The following LMX1A variants were observed in gnomAD, a reference collection of about 807,000 sequenced individuals.
The protein encoded by LMX1A is LIM homeobox transcription factor 1 alpha.
LMX1A carries 15 observed loss-of-function variants against 49.1 expected under a neutral mutation model. That is an observed-to-expected ratio of 0.31 (90% CI 0.20 to 0.47). The LOEUF is 0.47. Ranked by LOEUF, LMX1A falls within the 20% of genes least tolerant of loss-of-function variation. The pLI is 1.00. For missense variants in LMX1A, 372 were observed against 475.8 expected, an observed-to-expected ratio of 0.78 and a Z score of 2.03; for synonymous variants, 167 against 185.7, an observed-to-expected ratio of 0.90 and a Z score of 0.82.
intron 3 of LMX1A, among the ~76,000 whole-genome samples, chr1:165,283,908 T>C (rs1654227684): frequency 6.6e-6 from 1 of 152,214 alleles, no homozygotes; most frequent in Admixed American, 6.5e-5. Flanking sequence ...TTATCTCTAA[T>C]GCCCCTTTGT....
At position 165,232,058 on chromosome 1, in the gene LMX1A, G is replaced by T. The variant is rs186041905; in HGVS notation, c.496+17350C>A. On this transcript the variant is annotated intron_variant, in intron 4 of 8. Coordinates refer to ENST00000342310, the MANE Select transcript of LMX1A (RefSeq NM_177398.4). ...CCCACAAGGATGTGCCATGGTGCTT[G>T]GGTATACCCAAGGTCAAAAAAAGTG... Among the ~76,000 whole-genome samples, 4 of 152,314 alleles carry T rather than the reference G, an allele frequency of 2.6e-5. No individual in the cohort carries two copies. In the East Asian group the frequency reaches 7.7e-4, roughly 29 times the overall value.
intron 4 of LMX1A, among the ~76,000 whole-genome samples, chr1:165,223,037 G>GC (rs1651906227): frequency 1.3e-5 from 2 of 151,666 alleles, no homozygotes; most frequent in South Asian, 2.1e-4. Flanking sequence ...TGGGGTGGGG[G>GC]AGTGATAAAA....
rs187040424 is a variant in LMX1A at position 165,300,832 on chromosome 1, C to T, written c.264-51192G>A. Among the ~76,000 whole-genome samples the T allele has an allele frequency of 1.1e-4, 16 of 152,300 alleles. No homozygotes were observed. The East Asian group carries it at 2.9e-3, about 28-fold the overall frequency. ...CCCTTCCCCCTTCTCACCCTGCCTG[C>T]TTCTCCTCATTCATGATTCCCAGGA... On this transcript the variant is annotated intron_variant, in intron 3 of 8. Transcript: ENST00000342310.
intron 6 of LMX1A, among the ~76,000 whole-genome samples, chr1:165,210,305 C>T (rs566940185): frequency 1.3e-5 from 2 of 152,192 alleles, no homozygotes; most frequent in Non-Finnish European, 2.9e-5. Flanking sequence ...AGAAAAGGCA[C>T]TCATTCTACC....
At chr1:165,297,711 T>C (rs1383277154) in intron 3 of LMX1A, among the ~76,000 whole-genome samples, 1 of 152,122 alleles carries the variant, frequency 6.6e-6, no homozygotes, top group African/African-American at 2.4e-5. Flanking sequence ...CAAATGACCC[T>C]TTCTGAGACC....
intron 4 of LMX1A, among the ~76,000 whole-genome samples, chr1:165,244,282 G>A (rs182450760): frequency 2.0e-5 from 3 of 152,286 alleles, no homozygotes; most frequent in African/African-American, 4.8e-5. Flanking sequence ...TGGTAAATGA[G>A]TAAATGTAAG....
chr1:165,229,715 GT>G (rs1009289596), intron 4 of LMX1A, among the ~76,000 whole-genome samples: 4 of 137,368 alleles, frequency 2.9e-5, no homozygotes, highest in African/African-American at 1.1e-4. Flanking sequence ...AATCAGGAGG[GT>G]TTTTTTGTTT....
chr1:165,296,758 G>C (rs138970220), intron 3 of LMX1A, among the ~76,000 whole-genome samples: 1 of 152,344 alleles, frequency 6.6e-6, no homozygotes, highest in African/African-American at 2.4e-5. Flanking sequence ...GGTGAACAAG[G>C]CTTCCTGAAC....
chr1:165,204,411 A>G (rs1177282368), intron 8 of LMX1A, among the ~76,000 whole-genome samples: 1 of 152,230 alleles, frequency 6.6e-6, no homozygotes, highest in African/African-American at 2.4e-5. Context: ...ACAAAAAAAC[A>G]AAACAAAAAG....
intron 3 of LMX1A, among the ~76,000 whole-genome samples, chr1:165,277,315 C>G (rs773373633): frequency 6.6e-6 from 1 of 152,196 alleles, no homozygotes; most frequent in South Asian, 2.1e-4. Flanking sequence ...GTCTTGGCAT[C>G]GGCCCACCTC....
At position 165,249,654 on chromosome 1, in the gene LMX1A, G is replaced by A; in HGVS notation, c.264-14C>T. On this transcript the variant is annotated splice_polypyrimidine_tract_variant and intron_variant, in intron 3 of 8. Coordinates refer to ENST00000342310, the MANE Select transcript of LMX1A (RefSeq NM_177398.4). The stretch of plus-strand genomic sequence containing the variant: ...ACAGCAAACAGCCTGGCAGCAGGGA[G>A]AAAGGAAGTACATGCACCATGAGTA... The A allele has an allele frequency of 6.2e-7, 1 of 1,605,584 alleles. No individual in the cohort carries two copies.
At chr1:165,278,194 C>T (rs74364062) in intron 3 of LMX1A, among the ~76,000 whole-genome samples, 2 of 152,160 alleles carry the variant, frequency 1.3e-5, no homozygotes, top group African/African-American at 2.4e-5. Flanking sequence ...TGCTCATAAC[C>T]ACCTTGACGT....
intron 3 of LMX1A, among the ~76,000 whole-genome samples, chr1:165,325,190 C>T (rs1240623254): frequency 6.6e-6 from 1 of 152,170 alleles, no homozygotes; most frequent in African/African-American, 2.4e-5. Flanking sequence ...CTGCTCCTCA[C>T]CATAATTCTC....
chr1:165,237,842 A>T (rs893487845), intron 4 of LMX1A, among the ~76,000 whole-genome samples: 8 of 152,188 alleles, frequency 5.3e-5, no homozygotes, highest in Non-Finnish European at 1.0e-4. Context: ...GCATCTTCAG[A>T]TCCATCTTGA....
intron 3 of LMX1A, among the ~76,000 whole-genome samples, chr1:165,251,783 C>A (rs1248871391): frequency 6.6e-6 from 1 of 152,120 alleles, no homozygotes; most frequent in Non-Finnish European, 1.5e-5. Flanking sequence ...CTGCCCTGAT[C>A]TGTGCCCCCT....
chr1:165,337,970 G>A (rs1655954618), intron 3 of LMX1A, among the ~76,000 whole-genome samples: 1 of 151,192 alleles, frequency 6.6e-6, no homozygotes, highest in Non-Finnish European at 1.5e-5. Flanking sequence ...GCCAGCAGCT[G>A]TTGAGGATTG....
At chr1:165,348,853 C>A (rs1656330358) in intron 3 of LMX1A, among the ~76,000 whole-genome samples, 1 of 152,210 alleles carries the variant, frequency 6.6e-6, no homozygotes, top group African/African-American at 2.4e-5. Context: ...AAGAAAGATG[C>A]AGAGAAAGCT....
At chr1:165,212,629 A>G (rs1651457972) in intron 5 of LMX1A, among the ~76,000 whole-genome samples, 1 of 151,968 alleles carries the variant, frequency 6.6e-6, no homozygotes, top group Non-Finnish European at 1.5e-5. Flanking sequence ...AGAATACCCT[A>G]TTTTCTTTCT....
chr1:165,319,306 A>G (rs1272659540), intron 3 of LMX1A, among the ~76,000 whole-genome samples: 2 of 152,186 alleles, frequency 1.3e-5, no homozygotes, highest in African/African-American at 4.8e-5. Flanking sequence ...TAAACCCAAG[A>G]GAATAAAGGA....
Sources: gnomAD v4.1 joint callset for allele counts (sites outside exome capture counted in the v4.1 genomes callset) on GRCh38, gnomAD v4.1.1 for gene constraint, MANE v1.5 for transcripts, NCBI Gene and HGNC (gene_info 2026-07-23, HGNC 2026-07-21) for gene names.